Variants in PGAP4 observed in about 807,000 individuals in gnomAD.
PGAP4 encodes post-GPI attachment to proteins GalNAc transferase 4.
A neutral mutation model predicts 28.2 loss-of-function variants in PGAP4; 12 were observed. The observed-to-expected ratio is 0.42, with a 90% CI of 0.27 to 0.69. The LOEUF is 0.69. PGAP4 is among the 30% of genes least tolerant of loss of function. The pLI is 0.22. For synonymous variants in PGAP4, 205 were observed against 211.8 expected, an observed-to-expected ratio of 0.97 and a Z score of 0.28; for missense variants, 425 against 513.5, an observed-to-expected ratio of 0.83 and a Z score of 1.67.
chr9:101,496,249 T>TGA (rs111515521), intron 2 of PGAP4, among the ~76,000 whole-genome samples: 13,789 of 151,152 alleles, frequency 0.091, 679 homozygotes, highest in Middle Eastern at 0.14. Context: ...TGACAAAGGT[T>TGA]GAGAGAGAGA....
chr9:101,497,242 C>T (rs1006929329), intron 2 of PGAP4, among the ~76,000 whole-genome samples: 2 of 151,334 alleles, frequency 1.3e-5, no homozygotes, highest in African/African-American at 4.8e-5. Context: ...TTTATATTTA[C>T]TTAATTTAAT....
At chr9:101,482,907 C>T (rs191844141) in intron 1 of PGAP4, among the ~76,000 whole-genome samples, 83 of 152,310 alleles carry the variant, frequency 5.4e-4, no homozygotes, top group African/African-American at 1.9e-3. Context: ...TTGTGCTAGA[C>T]CCTTGCATCT....
At chr9:101,521,450 T>C (rs750898355) in intron 2 of PGAP4, among the ~76,000 whole-genome samples, 1 of 152,102 alleles carries the variant, frequency 6.6e-6, no homozygotes. Context: ...AGGGCTGTAT[T>C]TTTCCAGGAA....
rs1826840616 is a variant in PGAP4, at chr9:101,505,282, A to T, written c.-164-16082T>A. 2.0e-5 allele frequency among the ~76,000 whole-genome samples: 3 copies of T among 152,166 alleles called. No individual in the cohort carries two copies. In the South Asian group the frequency reaches 6.2e-4, roughly 32 times the overall value. ...ATGTGGAACATTCCAAATGGAGAAGATTGTTCATCTAAAAGGGGTACTTGA... is the reference window on the plus strand; with the variant it reads ...ATGTGGAACATTCCAAATGGAGAAGTTTGTTCATCTAAAAGGGGTACTTGA... On this transcript the variant is annotated intron_variant, in intron 2 of 3. Transcript: ENST00000374851.
At chr9:101,526,037 G>A (rs898936068) in intron 2 of PGAP4, among the ~76,000 whole-genome samples, 2 of 150,750 alleles carry the variant, frequency 1.3e-5, no homozygotes, top group Non-Finnish European at 3.0e-5. Flanking sequence ...TTAGGCTTTT[G>A]GTACAAATTG....
At chr9:101,530,133 C>G (rs1827074848) in intron 2 of PGAP4, among the ~76,000 whole-genome samples, 1 of 152,152 alleles carries the variant, frequency 6.6e-6, no homozygotes, top group African/African-American at 2.4e-5. Context: ...AAACAAAAAT[C>G]CAAAATATCT....
At chr9:101,524,430 G>A (rs1187803240) in intron 2 of PGAP4, among the ~76,000 whole-genome samples, 3 of 152,114 alleles carry the variant, frequency 2.0e-5, no homozygotes, top group Non-Finnish European at 2.9e-5. Flanking sequence ...AAAGGGCTTC[G>A]TTCCTTCTCA....
chr9:101,526,503 G>A (rs528446729), intron 2 of PGAP4, among the ~76,000 whole-genome samples: 66 of 152,278 alleles, frequency 4.3e-4, no homozygotes, highest in Non-Finnish European at 7.1e-4. Flanking sequence ...AGGCTGGAGA[G>A]CAGTGGCATG....
At chr9:101,477,330 A>C (rs1826357289) in intron 1 of PGAP4, among the ~76,000 whole-genome samples, 161 bp from the exon 2 acceptor site, 1 of 150,388 alleles carries the variant, frequency 6.6e-6, no homozygotes, top group African/African-American at 2.5e-5. Flanking sequence ...TATTTTCTAC[A>C]GTAAACCATT....
In PGAP4 at chr9:101,520,756, T is replaced by C. The variant is rs564610328; in HGVS notation, c.-165+10592A>G. On this transcript the variant is annotated intron_variant, in intron 2 of 3. Coordinates refer to the PGAP4 transcript ENST00000374851. Reference sequence around the variant, plus strand: ...CTGGCTAGGACTTCCAGTACTATGTTGAAGAGGAGTGGTGAGAGTGGGCAT... The same window carrying C: ...CTGGCTAGGACTTCCAGTACTATGTCGAAGAGGAGTGGTGAGAGTGGGCAT... 3.9e-5 allele frequency among the ~76,000 whole-genome samples: 6 copies of C among 152,328 alleles called. No individual in the cohort carries two copies. In the South Asian group the frequency reaches 1.0e-3, roughly 26 times the overall value.
chr9:101,476,182 A>T lies in PGAP4; in HGVS notation c.911T>A (p.Leu304Gln). 6.2e-7 allele frequency: 1 copy of T among 1,614,208 alleles called. No homozygotes were observed. Among genetic ancestry groups the T allele is most frequent in the Non-Finnish European group, 8.5e-7 (1 of 1,180,032 alleles). Residue 304 changes from leucine to glutamine, a missense_variant, in exon 2 of 2, where the codon CTG becomes CAG. By Grantham distance (113) the Leu-to-Gln change is moderately radical. Transcript: ENST00000374848. The surrounding 1 kb of genome is among the most constrained non-coding windows in gnomAD (Gnocchi z 7.0). Reference sequence around the variant, plus strand: ...ATAGTGCCGACCCACCAGCTCCACCAGACCCATGCTATACAGGGAGAAGAA... The same window carrying T: ...ATAGTGCCGACCCACCAGCTCCACCTGACCCATGCTATACAGGGAGAAGAA... ...MLFFSLYSMGLVELVGRHYFL... is the reference protein window; with the variant it reads ...MLFFSLYSMGQVELVGRHYFL...
chr9:101,501,978 G>T (rs1227418612), intron 2 of PGAP4: 3 of 285,880 alleles, frequency 1.0e-5, no homozygotes, highest in African/African-American at 6.6e-5. Flanking sequence ...TAACTTTTAA[G>T]ATCACAAAAG....
rs756433626 is a variant in PGAP4 at position 101,476,943 on chromosome 9, G to A, written c.150C>T (p.Tyr50=). The A allele has an allele frequency of 6.2e-7, 1 of 1,614,186 alleles. No homozygotes were observed. The highest frequency in any genetic ancestry group is 8.5e-7 in the Non-Finnish European group (1 of 1,180,020). ...TCAGATGCCAATGGCGCAGATAGAA[G>A]TAAGAGTGTAGAAGTCGGTGACAGG... ...PLACHRLLHS[Y]FYLRHWHLNQ... Residue 50 remains tyrosine (Y), a synonymous_variant, in exon 2 of 2, where the codon TAC becomes TAT. Coordinates refer to ENST00000374848, the MANE Select transcript of PGAP4 (RefSeq NM_032342.3). The surrounding 1 kb of genome is among the most constrained non-coding windows in gnomAD (Gnocchi z 7.0).
At chr9:101,479,456 C>T (rs559487949) in intron 1 of PGAP4, among the ~76,000 whole-genome samples, 9 of 152,294 alleles carry the variant, frequency 5.9e-5, no homozygotes, top group Non-Finnish European at 1.3e-4. Context: ...ATAGTAAAGG[C>T]TATCACTTAC....
intron 2 of PGAP4, among the ~76,000 whole-genome samples, chr9:101,518,954 AC>A (rs1826962786): frequency 1.3e-5 from 2 of 152,104 alleles, no homozygotes; most frequent in South Asian, 4.1e-4. Context: ...TTCCCTGTTC[AC>A]TACATCCACG....
chr9:101,477,304 T>G, intron 1 of PGAP4, 135 bp from the exon 2 acceptor site: 1 of 535,250 alleles, frequency 1.9e-6, no homozygotes, highest in Non-Finnish European at 3.0e-6. Flanking sequence ...CTCTGTAGCT[T>G]CTACAGACTC....
chr9:101,524,364 A>C (rs1827014845), intron 2 of PGAP4, among the ~76,000 whole-genome samples: 2 of 151,992 alleles, frequency 1.3e-5, no homozygotes, highest in South Asian at 2.1e-4. Flanking sequence ...TTCCAGGTGG[A>C]GGGCTATATG....
chr9:101,512,862 A>G (rs922026796), intron 2 of PGAP4, among the ~76,000 whole-genome samples: 17 of 152,188 alleles, frequency 1.1e-4, no homozygotes, highest in African/African-American at 3.9e-4. Flanking sequence ...ATCTCAGTGG[A>G]TTTTCCACGT....
chr9:101,532,483 T>A (rs573387083), intron 1 of PGAP4, among the ~76,000 whole-genome samples: 4 of 152,288 alleles, frequency 2.6e-5, no homozygotes, highest in African/African-American at 9.6e-5. Flanking sequence ...CAATACTGTC[T>A]AAAATAAACA....
Sources: allele counts gnomAD v4.1 joint callset (sites outside exome capture counted in the v4.1 genomes callset), GRCh38; gene constraint gnomAD v4.1.1; non-coding constraint Gnocchi (gnomAD v3.1); transcripts MANE v1.5; gene names NCBI Gene and HGNC (gene_info 2026-07-23, HGNC 2026-07-21).